SOCS2: variants seen among roughly 807,000 people sequenced by gnomAD.
SOCS2 encodes the protein CIS-2.
Under a neutral mutation model 18.6 loss-of-function variants are expected in SOCS2, and 10 were observed. The observed-to-expected ratio is 0.54, with a 90% CI of 0.33 to 0.91. The LOEUF is 0.91. SOCS2 is among the 40% of genes least tolerant of loss of function. The pLI is 0.02. For synonymous variants in SOCS2, 104 were observed against 104.0 expected, an observed-to-expected ratio of 1.00 and a Z score of 0.00; for missense variants, 231 against 247.2, an observed-to-expected ratio of 0.93 and a Z score of 0.44.
chr12:93,609,469 A>T, the SOCS2 span, among the ~76,000 whole-genome samples: 3 of 151,720 alleles, frequency 2.0e-5, no homozygotes, highest in Non-Finnish European at 2.9e-5. Flanking sequence ...TAATTTATTA[A>T]TTTTTATTAC....
At chr12:93,570,048 C>T (rs976117131), upstream of SOCS2, 3 of 151,876 alleles carry the variant, frequency 2.0e-5, no homozygotes, top group African/African-American at 7.3e-5. Flanking sequence ...GGGCCTCCAA[C>T]GGGGTTGGAG....
downstream of SOCS2, among the ~76,000 whole-genome samples, chr12:93,587,382 CTT>C (rs1488378740): frequency 6.6e-6 from 1 of 151,886 alleles, no homozygotes; most frequent in Non-Finnish European, 1.5e-5. Flanking sequence ...TCATCTGAGA[CTT>C]AAAAAATCAG....
chr12:93,575,210 T>C lies in SOCS2; in HGVS notation c.*31T>C, dbSNP rs1954428106. On this transcript the variant is annotated 3_prime_UTR_variant, in exon 2 of 2. Coordinates refer to ENST00000551556, the MANE Select transcript of SOCS2 (RefSeq NM_001270471.2). ...TCTCTTTTTTTAAACATGTCTCACA[T>C]AGAGTATCTCCGAATGCAGCTATGT... 2.0e-6 allele frequency: 3 copies of C among 1,464,592 alleles called. No homozygotes were observed. Among genetic ancestry groups the C allele is most frequent in the East Asian group, 2.3e-5 (1 of 43,328 alleles). The allele number at this position is 1,464,592 out of a possible 1,614,324, so 90.7% of individuals were successfully genotyped here. A position where few individuals can be genotyped will look rare whatever the true frequency, so the allele number is the denominator to read the frequency against.
chr12:93,571,538 T>TCCTC (rs1051168353), upstream of SOCS2: 5 of 169,134 alleles, frequency 3.0e-5, no homozygotes, highest in East Asian at 3.9e-4. Flanking sequence ...CCTCGCTCCT[T>TCCTC]CCTCCCTCCC....
the SOCS2 span, among the ~76,000 whole-genome samples, chr12:93,594,092 T>A: frequency 1.3e-5 from 2 of 152,216 alleles, no homozygotes; most frequent in African/African-American, 2.4e-5. Flanking sequence ...GGATTATGAT[T>A]ATTTGCTTTA....
the SOCS2 span, among the ~76,000 whole-genome samples, chr12:93,609,030 C>T: frequency 2.0e-5 from 3 of 152,094 alleles, no homozygotes; most frequent in East Asian, 1.9e-4. Flanking sequence ...GAGGCTGAGG[C>T]GGGCAGATAA....
the SOCS2 span, among the ~76,000 whole-genome samples, chr12:93,602,058 A>T: frequency 6.6e-6 from 1 of 152,198 alleles, no homozygotes; most frequent in Non-Finnish European, 1.5e-5. Flanking sequence ...GGGGCCAAGA[A>T]AAAACAAGAA....
At chr12:93,619,663 G>T in the SOCS2 span, among the ~76,000 whole-genome samples, 1 of 152,106 alleles carries the variant, frequency 6.6e-6, no homozygotes, top group Non-Finnish European at 1.5e-5. Context: ...GACCTTAGAG[G>T]TTACCATACC....
chr12:93,624,772 G>A, the SOCS2 span, among the ~76,000 whole-genome samples: 1 of 152,158 alleles, frequency 6.6e-6, no homozygotes, highest in Non-Finnish European at 1.5e-5. Context: ...TAAGTTGGGG[G>A]CAGGGTAAAA....
chr12:93,578,004 A>T (rs555174969), downstream of SOCS2, among the ~76,000 whole-genome samples: 1 of 152,332 alleles, frequency 6.6e-6, no homozygotes, highest in Admixed American at 6.5e-5. Context: ...TACAAGACTT[A>T]TATATCCCCA....
At chr12:93,570,069 C>T (rs1592816139), upstream of SOCS2, 1 of 152,138 alleles carries the variant, frequency 6.6e-6, no homozygotes, top group East Asian at 1.9e-4. Flanking sequence ...GTGAGAATCC[C>T]AGGTAGGGTA....
chr12:93,614,429 CCCTTCCTTCCTT>C, the SOCS2 span, among the ~76,000 whole-genome samples: 35 of 41,510 alleles, frequency 8.4e-4, 1 homozygote, highest in East Asian at 6.8e-3. Context: ...TCCTTTCTTT[CCCTTCCTTCCTT>C]CCTTCCTTCC....
chr12:93,606,450 G>A, the SOCS2 span, among the ~76,000 whole-genome samples: 1 of 151,944 alleles, frequency 6.6e-6, no homozygotes, highest in African/African-American at 2.4e-5. Context: ...AACTGCTGAG[G>A]TGTGGCTTTA....
chr12:93,617,827 G>A, the SOCS2 span, among the ~76,000 whole-genome samples: 3,519 of 152,218 alleles, frequency 0.023, 56 homozygotes, highest in Non-Finnish European at 0.034. Flanking sequence ...CACTTCCACT[G>A]CCATCACTCT....
the SOCS2 span, among the ~76,000 whole-genome samples, chr12:93,595,341 G>A: frequency 6.6e-6 from 1 of 152,004 alleles, no homozygotes; most frequent in African/African-American, 2.4e-5. Flanking sequence ...CCTGACTTAC[G>A]TGTTTCTGAA....
the SOCS2 span, among the ~76,000 whole-genome samples, chr12:93,614,480 T>TTCCTTCCTTTCTTTCC: frequency 3.8e-5 from 1 of 26,134 alleles, no homozygotes; most frequent in African/African-American, 2.2e-4. Flanking sequence ...CCTTCCTTCC[T>TTCCTTCCTTTCTTTCC]TTCCTTCCTT....
intron 1 of SOCS2, 136 bp downstream of exon 1, chr12:93,573,172 C>T: frequency 3.4e-6 from 4 of 1,168,144 alleles, no homozygotes; most frequent in Non-Finnish European, 4.8e-6. Context: ...GCGGAGAGCA[C>T]GCTCGCAGGG....
At chr12:93,616,523 C>T in the SOCS2 span, among the ~76,000 whole-genome samples, 21 of 152,216 alleles carry the variant, frequency 1.4e-4, no homozygotes, top group Non-Finnish European at 2.8e-4. Context: ...AAGAATTCAA[C>T]ATTAGACCTA....
At chr12:93,624,443 G>C in the SOCS2 span, among the ~76,000 whole-genome samples, 1 of 152,048 alleles carries the variant, frequency 6.6e-6, no homozygotes, top group African/African-American at 2.4e-5. Context: ...GTGGTGGCAG[G>C]CACCTGTAGT....
Sources: allele counts gnomAD v4.1 joint callset (sites outside exome capture counted in the v4.1 genomes callset), GRCh38; gene constraint gnomAD v4.1.1; transcripts MANE v1.5; gene names NCBI Gene and HGNC (gene_info 2026-07-23, HGNC 2026-07-21).